LMNTD1: variants seen among roughly 807,000 people sequenced by gnomAD.
The protein encoded by LMNTD1 is lamin tail domain-containing protein 1.
LMNTD1 carries 35 observed loss-of-function variants against 50.9 expected under a neutral mutation model. The observed-to-expected ratio is 0.69, with a 90% CI of 0.53 to 0.91. The LOEUF (loss-of-function observed/expected upper bound fraction) is 0.91, where lower values mean the gene tolerates loss of function less well. LMNTD1 is among the 40% of genes least tolerant of loss of function. The pLI, the probability that LMNTD1 is intolerant of heterozygous loss-of-function variation, is 0.00. For missense variants in LMNTD1, 470 were observed against 475.5 expected (o/e 0.99, Z 0.11); for synonymous variants, 153 against 161.9 (o/e 0.94, Z 0.42).
chr12:25,624,492 G>A (rs1242471247), intron 1 of LMNTD1, among the ~76,000 whole-genome samples: 1 of 152,192 alleles, frequency 6.6e-6, no homozygotes, highest in Non-Finnish European at 1.5e-5. Flanking sequence ...ACCAGCCACA[G>A]CTAGAGAGCC....
At chr12:25,611,504 T>C (rs1174280514) in intron 1 of LMNTD1, among the ~76,000 whole-genome samples, 1 of 152,232 alleles carries the variant, frequency 6.6e-6, no homozygotes, top group East Asian at 1.9e-4. Flanking sequence ...TGAGTTCAGA[T>C]GGTTAAGTTT....
chr12:25,550,196 T>G (rs1943670209), intron 2 of LMNTD1, among the ~76,000 whole-genome samples: 1 of 87,528 alleles, frequency 1.1e-5, no homozygotes, highest in Non-Finnish European at 2.7e-5. Flanking sequence ...AATCTTACTA[T>G]GAACAAAGAT....
intron 9 of LMNTD1, among the ~76,000 whole-genome samples, chr12:25,477,866 G>C (rs926675830): frequency 6.6e-6 from 1 of 152,030 alleles, no homozygotes; most frequent in Non-Finnish European, 1.5e-5. Flanking sequence ...ACGATCACAA[G>C]GTCCCACAAT....
intron 1 of LMNTD1, among the ~76,000 whole-genome samples, chr12:25,614,181 CT>C (rs1269673879): frequency 6.6e-6 from 1 of 151,974 alleles, no homozygotes; most frequent in Non-Finnish European, 1.5e-5. Flanking sequence ...GCGATGTCCT[CT>C]TTTTTTTCTG....
At position 25,519,952 on chromosome 12, in the gene LMNTD1, C is replaced by T; in HGVS notation, c.922G>A (p.Ala308Thr). 6.2e-7 allele frequency: 1 copy of T among 1,612,964 alleles called. No individual in the cohort carries two copies. Among genetic ancestry groups the T allele is most frequent in the African/African-American group, 1.3e-5 (1 of 74,946 alleles). ...TCTTTAGTTATTGTAGCTGTAGATG[C>T]TGTCCACTGAAACACACGCTTTCGG... Reference protein sequence around the residue: ...TFRKRVFQWTASTATITKEKQ... With the variant: ...TFRKRVFQWTTSTATITKEKQ... Residue 308 changes from alanine to threonine, a missense_variant, in exon 7 of 10, where the codon GCA (alanine) becomes ACA (threonine). By Grantham distance (58) the Ala-to-Thr change is moderately conservative (BLOSUM62 0). Transcript: ENST00000458174.
intron 9 of LMNTD1, among the ~76,000 whole-genome samples, chr12:25,483,511 C>G (rs1938512490): frequency 6.6e-6 from 1 of 151,824 alleles, no homozygotes. Flanking sequence ...GTGGCTCATG[C>G]CTGTAATCCT....
intron 1 of LMNTD1, among the ~76,000 whole-genome samples, chr12:25,591,805 T>A (rs1945703362): frequency 3.1e-5 from 2 of 63,568 alleles, no homozygotes; most frequent in African/African-American, 9.7e-5. Flanking sequence ...TCCTAATAGC[T>A]CAGAACAGAG....
At chr12:25,610,068 A>T (rs1334259264) in intron 1 of LMNTD1, among the ~76,000 whole-genome samples, 1 of 152,158 alleles carries the variant, frequency 6.6e-6, no homozygotes, top group Non-Finnish European at 1.5e-5. Flanking sequence ...CCCCTTCCCC[A>T]GCCAGGCTTG....
intron 1 of LMNTD1, among the ~76,000 whole-genome samples, chr12:25,594,671 A>C (rs1371434790): frequency 2.0e-5 from 3 of 150,596 alleles, no homozygotes; most frequent in African/African-American, 7.3e-5. Flanking sequence ...AAAAAAAAAA[A>C]AAAAACCCAA....
intron 1 of LMNTD1, among the ~76,000 whole-genome samples, chr12:25,634,343 G>A (rs1017092665): frequency 6.6e-6 from 1 of 152,112 alleles, no homozygotes; most frequent in African/African-American, 2.4e-5. Context: ...TATGAAGCCA[G>A]CATCACCCTA....
chr12:25,492,835 G>C (rs1313120675), intron 9 of LMNTD1, among the ~76,000 whole-genome samples: 1 of 152,080 alleles, frequency 6.6e-6, no homozygotes, highest in Non-Finnish European at 1.5e-5. Context: ...ATAACTTATG[G>C]GAGCATGTTC....
chr12:25,559,631 A>G (rs1165477294), intron 1 of LMNTD1, among the ~76,000 whole-genome samples: 4 of 152,244 alleles, frequency 2.6e-5, no homozygotes, highest in Non-Finnish European at 2.9e-5. Flanking sequence ...ACTGTCTTCC[A>G]CAATGGTTGA....
At chr12:25,488,139 T>C (rs1482416384) in intron 9 of LMNTD1, among the ~76,000 whole-genome samples, 147 of 141,116 alleles carry the variant, frequency 1.0e-3, no homozygotes, top group Non-Finnish European at 1.3e-3. Flanking sequence ...AGGAGTATCT[T>C]TGTGGCATTC....
intron 1 of LMNTD1, among the ~76,000 whole-genome samples, chr12:25,577,583 G>C (rs530503580): frequency 2.8e-3 from 425 of 152,248 alleles, no homozygotes; most frequent in Non-Finnish European, 5.2e-3. Context: ...GAGATTTTGG[G>C]CTGAGACAAT....
intron 1 of LMNTD1, among the ~76,000 whole-genome samples, chr12:25,597,244 A>G (rs893569437): frequency 2.0e-5 from 3 of 152,008 alleles, no homozygotes; most frequent in Non-Finnish European, 4.4e-5. Flanking sequence ...ATCGAAAGAC[A>G]TAGAGTGGCT....
chr12:25,635,982 C>T (rs1233142174), intron 1 of LMNTD1, among the ~76,000 whole-genome samples: 2 of 152,180 alleles, frequency 1.3e-5, no homozygotes, highest in Non-Finnish European at 2.9e-5. Context: ...CAAAAATCAA[C>T]TCAAGATGGA....
At chr12:25,485,244 T>C (rs1225740614) in intron 9 of LMNTD1, among the ~76,000 whole-genome samples, 1 of 147,654 alleles carries the variant, frequency 6.8e-6, no homozygotes, top group Non-Finnish European at 1.5e-5. Flanking sequence ...TTTGCATTTC[T>C]CTGATGGCCA....
At chr12:25,552,423 G>T (rs573969747) in intron 2 of LMNTD1, among the ~76,000 whole-genome samples, 2 of 151,592 alleles carry the variant, frequency 1.3e-5, no homozygotes, top group Non-Finnish European at 2.9e-5. Flanking sequence ...TCAAGACCAC[G>T]GTGAAACCTC....
chr12:25,518,703 C>T (rs1227453803), intron 8 of LMNTD1, 92 bp downstream of exon 8: 12 of 1,105,470 alleles, frequency 1.1e-5, no homozygotes, highest in Non-Finnish European at 1.6e-5. Context: ...ATCTTTAACA[C>T]TTAGCACATT....
Sources: allele counts gnomAD v4.1 joint callset (sites outside exome capture counted in the v4.1 genomes callset), GRCh38; gene constraint gnomAD v4.1.1; transcripts MANE v1.5; gene names NCBI Gene and HGNC (gene_info 2026-07-23, HGNC 2026-07-21).